Variants in MTMR9 observed in about 807,000 individuals in gnomAD.
MTMR9 encodes myotubularin-related protein 9.
A neutral mutation model predicts 69.5 loss-of-function variants in MTMR9; 39 were observed. That is an observed-to-expected ratio of 0.56 (90% CI 0.43 to 0.73). The LOEUF is 0.73. MTMR9 is among the 30% of genes least tolerant of loss of function. MTMR9 has a pLI of 0.00. For missense variants in MTMR9, 900 were observed against 671.2 expected (o/e 1.34, Z -3.77); for synonymous variants, 354 against 240.8 (o/e 1.47, Z -4.35).
downstream of MTMR9, chr8:11,331,199 C>G (rs1463524739): frequency 6.2e-7 from 1 of 1,613,892 alleles, no homozygotes; most frequent in East Asian, 2.2e-5. Flanking sequence ...ACCAGCGCTG[C>G]CAGCCCTCTG....
intron 5 of MTMR9, among the ~76,000 whole-genome samples, chr8:11,307,302 C>A (rs1799975934): frequency 6.6e-6 from 1 of 152,156 alleles, no homozygotes; most frequent in Admixed American, 6.5e-5. Flanking sequence ...GAACTCCTGA[C>A]CTCAAGTGAT....
the MTMR9 span, among the ~76,000 whole-genome samples, chr8:11,335,970 G>T: frequency 2.0e-5 from 3 of 152,172 alleles, no homozygotes; most frequent in African/African-American, 7.2e-5. Context: ...AAACTCACAA[G>T]AAATAACATG....
the MTMR9 span, among the ~76,000 whole-genome samples, chr8:11,337,767 A>G: frequency 6.6e-6 from 1 of 152,224 alleles, no homozygotes; most frequent in Non-Finnish European, 1.5e-5. Flanking sequence ...TCTAGGTACC[A>G]GTGACTGAAT....
intron 6 of MTMR9, among the ~76,000 whole-genome samples, chr8:11,313,043 A>G (rs1045451488): frequency 3.9e-5 from 6 of 152,244 alleles, no homozygotes; most frequent in African/African-American, 1.4e-4. Context: ...TTCCATTTAT[A>G]GAGCACAGGC....
chr8:11,331,420 G>A, downstream of MTMR9: 1 of 1,613,934 alleles, frequency 6.2e-7, no homozygotes, highest in Non-Finnish European at 8.5e-7. Flanking sequence ...GGCTGGGCCT[G>A]CTTCTGTGCC....
At position 11,298,023 on chromosome 8, in the gene MTMR9, A is replaced by G. The variant is rs529036873; in HGVS notation, c.292-2000A>G. 7 of 441,006 alleles carry G rather than the reference A, an allele frequency of 1.6e-5. No homozygotes were observed. In the East Asian group the frequency reaches 5.0e-4, roughly 31 times the overall value. 27.3% of individuals were successfully genotyped at this position (441,006 alleles called of 1,614,324 possible). ...TGTAATTAGGAGTCCGTATACTCAA[A>G]TATATTCTGCTGCCTCACGTAGAAT... On this transcript the variant is annotated intron_variant, in intron 2 of 9. Transcript: ENST00000221086.
At chr8:11,300,274 A>G (rs749210302) in intron 3 of MTMR9, 126 bp downstream of exon 3, 236 of 1,056,056 alleles carry the variant, frequency 2.2e-4, no homozygotes, top group Non-Finnish European at 3.0e-4. Flanking sequence ...TAATCTTAAT[A>G]TATTTAAAAG....
Position 11,307,536 on chromosome 8 carries a change from C to T in MTMR9, c.809+1129C>T, listed in dbSNP as rs190073285. On this transcript the variant is annotated intron_variant, in intron 5 of 9. Transcript: ENST00000221086. ...AGATACCTCTTTGAGATCCTGATTTCGTTTCCGATATTCAAAATATTTACC... is the reference window on the plus strand; with the variant it reads ...AGATACCTCTTTGAGATCCTGATTTTGTTTCCGATATTCAAAATATTTACC... Among the ~76,000 whole-genome samples the T allele has an allele frequency of 3.2e-4, 48 of 152,256 alleles. 1 individual carries two copies. In the South Asian group the frequency reaches 6.6e-3, roughly 21 times the overall value.
At chr8:11,338,163 G>C in the MTMR9 span, among the ~76,000 whole-genome samples, 1 of 152,214 alleles carries the variant, frequency 6.6e-6, no homozygotes. Context: ...GCTGATGCTT[G>C]GAAAAATGAT....
the MTMR9 span, among the ~76,000 whole-genome samples, chr8:11,337,547 T>C: frequency 1.3e-5 from 2 of 152,212 alleles, no homozygotes; most frequent in Non-Finnish European, 2.9e-5. Flanking sequence ...CAGCTTCATG[T>C]ATTCAATGAA....
At chr8:11,305,070 T>C in intron 4 of MTMR9, 56 bp downstream of exon 4, 1 of 1,538,634 alleles carries the variant, frequency 6.5e-7, no homozygotes. Context: ...GGGGATCTTT[T>C]CGTAGAAATG....
intron 2 of MTMR9, among the ~76,000 whole-genome samples, chr8:11,296,249 T>C (rs1350443487): frequency 6.6e-6 from 1 of 152,228 alleles, no homozygotes; most frequent in African/African-American, 2.4e-5. Flanking sequence ...AAAACAAGGA[T>C]AATAGTACCT....
At chr8:11,338,572 C>G in the MTMR9 span, among the ~76,000 whole-genome samples, 875 of 152,298 alleles carry the variant, frequency 5.7e-3, 2 homozygotes, top group Admixed American at 8.7e-3. Context: ...CCAGGGGAAC[C>G]TTTTCCACAG....
chr8:11,321,921 T>C (rs1800710470), intron 9 of MTMR9, among the ~76,000 whole-genome samples: 1 of 152,198 alleles, frequency 6.6e-6, no homozygotes, highest in South Asian at 2.1e-4. Context: ...ACTGACATGG[T>C]GCAGCCTGGA....
rs578103749 is a variant in MTMR9 at position 11,288,361 on chromosome 8, A to G, written c.182+3291A>G. The stretch of plus-strand genomic sequence containing the variant: ...TATAATATATTTATATATATATAAT[A>G]TATATATAATGATGTCAGGTAATAA... On this transcript the variant is annotated intron_variant, in intron 1 of 9. Transcript: ENST00000221086. Among the ~76,000 whole-genome samples the G allele has an allele frequency of 4.9e-5, 7 of 141,952 alleles. No individual in the cohort carries two copies. In the South Asian group the frequency reaches 1.5e-3, roughly 30 times the overall value. The allele number at this position is 141,952 out of a possible 152,430, so 93.1% of individuals were successfully genotyped here.
intron 9 of MTMR9, among the ~76,000 whole-genome samples, chr8:11,322,323 G>A (rs1212470781): frequency 6.6e-6 from 1 of 152,114 alleles, no homozygotes; most frequent in Non-Finnish European, 1.5e-5. Context: ...TTATCATCTT[G>A]TTTTCCTGAA....
chr8:11,304,325 GGGA>G (rs1799859587), intron 3 of MTMR9, among the ~76,000 whole-genome samples: 1 of 152,066 alleles, frequency 6.6e-6, no homozygotes, highest in Non-Finnish European at 1.5e-5. Context: ...ATTTGTTCTG[GGGA>G]TGCATTATCT....
chr8:11,314,913 T>C lies in MTMR9; in HGVS notation c.972-10T>C. On this transcript the variant is annotated splice_polypyrimidine_tract_variant and intron_variant, in intron 6 of 9. Transcript: ENST00000221086. ...TTCCCATTTGTACTCTTCCCTGATTTTCCTATCAGGGAAGGAGCATCAATA... is the reference window on the plus strand; with the variant it reads ...TTCCCATTTGTACTCTTCCCTGATTCTCCTATCAGGGAAGGAGCATCAATA... 6.2e-7 allele frequency: 1 copy of C among 1,612,212 alleles called. No homozygotes were observed. The highest frequency in any genetic ancestry group is 8.5e-7 in the Non-Finnish European group (1 of 1,178,406).
In MTMR9 at chr8:11,306,224, C is replaced by A. The variant is rs754466443; in HGVS notation, c.626C>A (p.Thr209Lys). 6.2e-7 allele frequency: 1 copy of A among 1,613,450 alleles called. No homozygotes were observed. Among genetic ancestry groups the A allele is most frequent in the Non-Finnish European group, 8.5e-7 (1 of 1,179,916 alleles). ...IMRSGQPLTGTNGRRCKEDEK... is the reference protein window; with the variant it reads ...IMRSGQPLTGKNGRRCKEDEK... ...CGAAGTGGTCAGCCACTCACTGGTACAAACGGGAGGAGGTGCAAGGAGGAC... is the reference window on the plus strand; with the variant it reads ...CGAAGTGGTCAGCCACTCACTGGTAAAAACGGGAGGAGGTGCAAGGAGGAC... The change falls in exon 5 of 10, where the codon ACA (threonine) becomes AAA (lysine). Residue 209 changes from threonine (T) to lysine (K), a missense_variant. Physicochemically the swap from Thr to Lys is moderately conservative, Grantham distance 78. Transcript: ENST00000221086.
Sources: gnomAD v4.1 joint callset for allele counts (sites outside exome capture counted in the v4.1 genomes callset) on GRCh38, gnomAD v4.1.1 for gene constraint, MANE v1.5 for transcripts, NCBI Gene and HGNC (gene_info 2026-07-23, HGNC 2026-07-21) for gene names.